Variants in JADE2 observed in about 807,000 individuals in gnomAD.
JADE2 encodes E3 ubiquitin-protein ligase Jade-2.
JADE2 carries 13 observed loss-of-function variants against 85.7 expected under a neutral mutation model. The ratio of observed to expected loss-of-function variants is 0.15; its 90% CI spans 0.10 to 0.24. JADE2 has a LOEUF of 0.24. JADE2 is among the 10% of genes least tolerant of loss of function. The pLI is 1.00. For missense variants in JADE2, 846 were observed against 1,115.9 expected (o/e 0.76, Z 3.45); for synonymous variants, 440 against 456.1 (o/e 0.96, Z 0.45).
At chr5:134,576,663 C>T (rs1764383674) in intron 10 of JADE2, 105 bp from the exon 11 acceptor site, 2 of 1,348,992 alleles carry the variant, frequency 1.5e-6, no homozygotes, top group African/African-American at 2.9e-5. Flanking sequence ...GGAGGGTGAG[C>T]ACTGGCTGAT....
At chr5:134,541,091 G>A (rs751015311) in intron 3 of JADE2, among the ~76,000 whole-genome samples, 3 of 152,188 alleles carry the variant, frequency 2.0e-5, no homozygotes, top group Admixed American at 6.5e-5. Flanking sequence ...AGGAGCCTCC[G>A]CAGGCTCTGA....
chr5:134,538,113 G>A lies in JADE2; in HGVS notation c.153+30G>A, dbSNP rs373559671. On this transcript the variant is annotated intron_variant, in intron 3 of 11. Transcript: ENST00000681547. Reference sequence around the variant, plus strand: ...GTAGTGATGAGCTTCCCAGAGATCTGTGGGGAGTGAGAGTGAGCTGCCCTG... The same window carrying A: ...GTAGTGATGAGCTTCCCAGAGATCTATGGGGAGTGAGAGTGAGCTGCCCTG... 5.5e-5 allele frequency: 85 copies of A among 1,555,728 alleles called. No homozygotes were observed. In the African/African-American group the frequency reaches 1.1e-3, roughly 20 times the overall value.
In JADE2 at chr5:134,526,588, C is replaced by T. The variant is rs1261650425; in HGVS notation, c.-1+577C>T. ...ACCTCGCGCTGGGCTCACGTGCAGC[C>T]GGTCCGGTCCCAGACACCTTCCGGG... On this transcript the variant is annotated intron_variant, in intron 1 of 11. Transcript: ENST00000681547. The T allele has an allele frequency of 5.1e-6, 5 of 985,396 alleles. 1 individual carries two copies. The highest frequency in any genetic ancestry group is 3.6e-6 in the Non-Finnish European group (3 of 829,928). 61.0% of individuals were successfully genotyped at this position (985,396 alleles called of 1,614,324 possible). A position where few individuals can be genotyped will look rare whatever the true frequency, so the allele number is the denominator to read the frequency against.
chr5:134,556,370 CT>C (rs1561745853), intron 4 of JADE2, among the ~76,000 whole-genome samples: 1 of 152,116 alleles, frequency 6.6e-6, no homozygotes, highest in East Asian at 1.9e-4. Flanking sequence ...AAAGTGCCCC[CT>C]ATATTCCATT....
upstream of JADE2, chr5:134,525,637 A>G: frequency 1.1e-6 from 1 of 952,376 alleles, no homozygotes; most frequent in South Asian, 1.4e-5. Context: ...TTTTCTAAAG[A>G]GATCACAAGG....
intron 3 of JADE2, among the ~76,000 whole-genome samples, chr5:134,538,412 G>A (rs937516840): frequency 6.6e-5 from 10 of 152,228 alleles, no homozygotes; most frequent in Non-Finnish European, 5.9e-5. Context: ...TGGTGGCTTA[G>A]AGCTGGGTGG....
intron 4 of JADE2, among the ~76,000 whole-genome samples, chr5:134,558,560 C>T (rs1002919943): frequency 1.1e-4 from 17 of 152,226 alleles, no homozygotes; most frequent in Non-Finnish European, 1.5e-4. Context: ...ATTATTGAGA[C>T]GGAGCTTCGC....
chr5:134,553,199 G>A (rs953701466), intron 4 of JADE2, among the ~76,000 whole-genome samples: 2 of 151,836 alleles, frequency 1.3e-5, no homozygotes, highest in Admixed American at 6.6e-5. Context: ...TCTAACTCCT[G>A]GGCTCAAGCA....
At chr5:134,550,779 G>A (rs960479516) in intron 3 of JADE2, among the ~76,000 whole-genome samples, 1 of 152,192 alleles carries the variant, frequency 6.6e-6, no homozygotes, top group Non-Finnish European at 1.5e-5. Context: ...GGTGGAACTG[G>A]GGGTGGAGGT....
At chr5:134,538,312 A>G (rs1004556741) in intron 3 of JADE2, among the ~76,000 whole-genome samples, 2 of 152,224 alleles carry the variant, frequency 1.3e-5, no homozygotes, top group Non-Finnish European at 2.9e-5. Context: ...GATCTCAGAC[A>G]GGGTAATGAC....
chr5:134,572,899 G>C (rs1177851957), intron 9 of JADE2, among the ~76,000 whole-genome samples: 1 of 152,268 alleles, frequency 6.6e-6, no homozygotes, highest in African/African-American at 2.4e-5. Flanking sequence ...CCTTGAGGCA[G>C]TCAGAGAGGC....
At position 134,579,075 on chromosome 5, in the gene JADE2, C is replaced by T; in HGVS notation, c.2263C>T (p.Pro755Ser). 2 of 1,614,010 alleles carry T rather than the reference C, an allele frequency of 1.2e-6. No individual in the cohort carries two copies. Among genetic ancestry groups the T allele is most frequent in the Non-Finnish European group, 1.7e-6 (2 of 1,179,958 alleles). Residue 755 changes from proline (P) to serine (S), a missense_variant, in exon 12 of 12, where the codon CCC (proline) becomes TCC (serine). Pro to Ser is a moderately conservative substitution (Grantham distance 74). This residue lies in a region of JADE2 where 300 missense variants were observed against 300.7 expected (regional missense o/e 1.00). Coordinates refer to ENST00000681547, the MANE Select transcript of JADE2 (RefSeq NM_001388185.1). This position sits in a 1 kb window ranked among gnomAD's most constrained non-coding sequence, Gnocchi z 4.6. ...TAAGCCTTTGGGCCGGCTCCGGCCA[C>T]CCCGCGAGAGCAAGGTAACCCGGAG... Reference protein sequence around the residue: ...SPKPLGRLRPPRESKVTRRLP... With the variant: ...SPKPLGRLRPSRESKVTRRLP...
chr5:134,578,918 C>T lies in JADE2; in HGVS notation c.2106C>T (p.Ser702=), dbSNP rs370363990. 9.3e-6 allele frequency: 15 copies of T among 1,613,764 alleles called. No homozygotes were observed. Among genetic ancestry groups the T allele is most frequent in the Non-Finnish European group, 1.2e-5 (14 of 1,180,034 alleles). The change falls in exon 12 of 12, where the codon AGC becomes AGT. Residue 702 remains serine, a synonymous_variant. Coordinates refer to ENST00000681547, the MANE Select transcript of JADE2 (RefSeq NM_001388185.1). The surrounding 1 kb of genome is among the most constrained non-coding windows in gnomAD (Gnocchi z 4.4). ...PRRTSSHLPS[S]PAAGDCPILA... is the part of the protein sequence containing the mutation. ...GGACATCTTCTCACTTGCCGTCCAG[C>T]CCTGCAGCCGGGGACTGTCCCATCC...
At chr5:134,547,421 C>CA (rs1561738034) in intron 3 of JADE2, among the ~76,000 whole-genome samples, 1 of 152,174 alleles carries the variant, frequency 6.6e-6, no homozygotes, top group South Asian at 2.1e-4. Flanking sequence ...CAATTTCTGC[C>CA]AAAAGAGAGA....
At chr5:134,549,136 T>C (rs1762460436) in intron 3 of JADE2, among the ~76,000 whole-genome samples, 1 of 151,922 alleles carries the variant, frequency 6.6e-6, no homozygotes, top group Admixed American at 6.6e-5. Context: ...GGAAAGAAAA[T>C]GAGGCAGGGG....
rs141240678 is a variant in JADE2, at chr5:134,573,958, A to G, written c.1552+196A>G. On this transcript the variant is annotated intron_variant, in intron 10 of 11. Coordinates refer to ENST00000681547, the MANE Select transcript of JADE2 (RefSeq NM_001388185.1). ...CTGCAAGGGTCCTGAGTTGTGCGTC[A>G]CTAGGCAGAGAGCCAGAGGTTGGAA... 1.3e-4 allele frequency: 84 copies of G among 661,434 alleles called. No homozygotes were observed. In the African/African-American group the frequency reaches 1.4e-3, roughly 11 times the overall value. The allele number at this position is 661,434 out of a possible 1,614,324, so 41.0% of individuals were successfully genotyped here. A position where few individuals can be genotyped will look rare whatever the true frequency, so the allele number is the denominator to read the frequency against.
intron 4 of JADE2, among the ~76,000 whole-genome samples, chr5:134,559,151 C>T (rs1211948754): frequency 6.6e-6 from 1 of 152,172 alleles, no homozygotes; most frequent in Non-Finnish European, 1.5e-5. Context: ...GGGAGAAGGG[C>T]AGGGTGGCAT....
In JADE2 at chr5:134,581,624, C is replaced by G. The variant is rs1764714864; in HGVS notation, c.*2307C>G. 6.5e-6 allele frequency: 1 copy of G among 152,924 alleles called. No individual in the cohort carries two copies. Among genetic ancestry groups the G allele is most frequent in the East Asian group, 1.9e-4 (1 of 5,206 alleles). The allele number at this position is 152,924 out of a possible 1,614,324, so 9.5% of individuals were successfully genotyped here. A position where few individuals can be genotyped will look rare whatever the true frequency, so the allele number is the denominator to read the frequency against. On this transcript the variant is annotated 3_prime_UTR_variant, in exon 12 of 12. Coordinates refer to ENST00000681547, the MANE Select transcript of JADE2 (RefSeq NM_001388185.1). Reference sequence around the variant, plus strand: ...TTGCCTCGGGCTGGCTGGTGTTCTTCCAAGAGCCTCTGCTCACATTGTTGG... The same window carrying G: ...TTGCCTCGGGCTGGCTGGTGTTCTTGCAAGAGCCTCTGCTCACATTGTTGG...
chr5:134,554,607 C>T (rs147256650), intron 4 of JADE2, among the ~76,000 whole-genome samples: 25 of 152,308 alleles, frequency 1.6e-4, no homozygotes, highest in African/African-American at 6.0e-4. Context: ...TTTGACTTTA[C>T]GAGGTGCATT....
Sources: gnomAD v4.1 joint callset for allele counts (sites outside exome capture counted in the v4.1 genomes callset) on GRCh38, gnomAD v4.1.1 for gene constraint, gnomAD v4.1.1 regional missense constraint, Gnocchi (gnomAD v3.1) non-coding constraint, MANE v1.5 for transcripts, NCBI Gene and HGNC (gene_info 2026-07-23, HGNC 2026-07-21) for gene names.